The following TENT4B variants were observed in gnomAD, a reference collection of about 807,000 sequenced individuals.
TENT4B encodes the protein terminal nucleotidyltransferase 4B.
TENT4B carries 10 observed loss-of-function variants against 75.0 expected under a neutral mutation model. The observed-to-expected ratio is 0.13, with a 90% CI of 0.08 to 0.23. The LOEUF is 0.23. Ranked by LOEUF, TENT4B falls within the 10% of genes least tolerant of loss-of-function variation. The pLI, the probability that TENT4B is intolerant of heterozygous loss-of-function variation, is 1.00. For synonymous variants in TENT4B, 350 were observed against 357.7 expected, an observed-to-expected ratio of 0.98 and a Z score of 0.24; for missense variants, 579 against 893.8, an observed-to-expected ratio of 0.65 and a Z score of 4.49.
chr16:50,232,395 A>G lies in TENT4B; in HGVS notation c.*3067A>G, dbSNP rs556786551. 2.0e-6 allele frequency: 2 copies of G among 985,142 alleles called. No individual in the cohort carries two copies. The highest frequency in any genetic ancestry group is 4.7e-5 in the South Asian group (1 of 21,274). 61.0% of individuals were successfully genotyped at this position (985,142 alleles called of 1,614,324 possible). On this transcript the variant is annotated 3_prime_UTR_variant, in exon 12 of 12. Transcript: ENST00000561678. Reference sequence around the variant, plus strand: ...TTTACTTGCATTTTGAGCCTCATTAATATTTAGGTTATTTGATTTGGCTCC... The same window carrying G: ...TTTACTTGCATTTTGAGCCTCATTAGTATTTAGGTTATTTGATTTGGCTCC...
intron 1 of TENT4B, among the ~76,000 whole-genome samples, chr16:50,158,798 C>T (rs552185326): frequency 6.6e-6 from 1 of 152,108 alleles, no homozygotes; most frequent in East Asian, 1.9e-4. Flanking sequence ...GTTTAAGGTA[C>T]AATTTCTTAA....
At chr16:50,228,694 T>C (rs888553221) in intron 11 of TENT4B, among the ~76,000 whole-genome samples, 2 of 152,142 alleles carry the variant, frequency 1.3e-5, no homozygotes, top group East Asian at 1.9e-4. Context: ...CACAGACTTA[T>C]CACAAAATAC....
rs2037821397 is a variant in TENT4B at position 50,153,602 on chromosome 16, G to A, written c.-20G>A. The A allele has an allele frequency of 1.0e-6, 1 of 1,001,576 alleles. No homozygotes were observed. Among genetic ancestry groups the A allele is most frequent in the Non-Finnish European group, 1.2e-6 (1 of 843,000 alleles). 62.0% of individuals were successfully genotyped at this position (1,001,576 alleles called of 1,614,324 possible). On this transcript the variant is annotated 5_prime_UTR_variant, in exon 1 of 12. Coordinates refer to ENST00000561678, the MANE Select transcript of TENT4B (RefSeq NM_001365324.3). ...CTGCGGGCGGCCGGGAGGGGCGGGG[G>A]CAGCGGCCGCCGCCGTTTGATGGAT...
At chr16:50,179,239 G>T (rs1389899934) in intron 1 of TENT4B, among the ~76,000 whole-genome samples, 1 of 152,116 alleles carries the variant, frequency 6.6e-6, no homozygotes, top group African/African-American at 2.4e-5. Flanking sequence ...GCGCATGCCT[G>T]TAATCCCAGC....
rs763210474 is a variant in TENT4B at position 50,223,204 on chromosome 16, A to G, written c.1198A>G (p.Asn400Asp). ...TCCCAGGGAAGATGCTTGCATCCCC[A>G]ATACAAACTATGGTGTTCTCTTAAT... The part of the protein sequence containing the change: ...LHPREDACIP[N>D]TNYGVLLIEF... Residue 400 changes from asparagine to aspartate, a missense_variant, in exon 7 of 12, where the codon AAT becomes GAT. Asn to Asp is a conservative substitution (Grantham distance 23). Coordinates refer to ENST00000561678, the MANE Select transcript of TENT4B (RefSeq NM_001365324.3). 1 of 1,612,916 alleles carries G rather than the reference A, an allele frequency of 6.2e-7. No homozygotes were observed. Among genetic ancestry groups the G allele is most frequent in the Non-Finnish European group, 8.5e-7 (1 of 1,179,312 alleles).
At chr16:50,169,570 G>A (rs1457592979) in intron 1 of TENT4B, among the ~76,000 whole-genome samples, 2 of 151,808 alleles carry the variant, frequency 1.3e-5, no homozygotes, top group South Asian at 4.1e-4. Context: ...TTTTTCTGTT[G>A]TTAGCTGGAA....
At chr16:50,200,546 G>A (rs1208858041) in intron 1 of TENT4B, among the ~76,000 whole-genome samples, 1 of 152,072 alleles carries the variant, frequency 6.6e-6, no homozygotes, top group Non-Finnish European at 1.5e-5. Flanking sequence ...CCAGCATTTG[G>A]TGTTGTCAGT....
At chr16:50,211,067 G>C (rs925264522) in intron 1 of TENT4B, among the ~76,000 whole-genome samples, 1 of 152,154 alleles carries the variant, frequency 6.6e-6, no homozygotes, top group Non-Finnish European at 1.5e-5. Context: ...AGGCCAGCCC[G>C]TATGCTTGTT....
At position 50,230,518 on chromosome 16, in the gene TENT4B, T is replaced by C; in HGVS notation, c.*1190T>C. 5.1e-6 allele frequency: 5 copies of C among 976,868 alleles called. No homozygotes were observed. Among genetic ancestry groups the C allele is most frequent in the Non-Finnish European group, 4.9e-6 (4 of 821,754 alleles). 60.5% of individuals were successfully genotyped at this position (976,868 alleles called of 1,614,324 possible). ...ATACTTATAAAAAACTATTTTCTTA[T>C]ATTCCACTCTATGCTTTTGGTATTG... On this transcript the variant is annotated 3_prime_UTR_variant, in exon 12 of 12. Coordinates refer to ENST00000561678, the MANE Select transcript of TENT4B (RefSeq NM_001365324.3).
intron 1 of TENT4B, among the ~76,000 whole-genome samples, chr16:50,198,373 C>G (rs143481673): frequency 6.8e-6 from 1 of 147,098 alleles, no homozygotes; most frequent in African/African-American, 2.5e-5. Context: ...GAGCTGAGAT[C>G]ACGCCACTGC....
intron 1 of TENT4B, among the ~76,000 whole-genome samples, chr16:50,159,008 G>C (rs1415571752): frequency 6.6e-6 from 1 of 152,148 alleles, no homozygotes; most frequent in African/African-American, 2.4e-5. Context: ...AAGATAGTAG[G>C]GGGATGTATA....
At chr16:50,216,538 C>G (rs2150739530) in intron 4 of TENT4B, among the ~76,000 whole-genome samples, 1 of 152,352 alleles carries the variant, frequency 6.6e-6, no homozygotes, top group Middle Eastern at 3.4e-3. Flanking sequence ...TCTCCAACTC[C>G]TGGGCTCAAG....
intron 1 of TENT4B, among the ~76,000 whole-genome samples, chr16:50,190,841 A>G (rs1021341026): frequency 2.0e-5 from 3 of 152,004 alleles, no homozygotes; most frequent in Non-Finnish European, 4.4e-5. Context: ...GAAACTCTGT[A>G]TACATTAAAC....
intron 1 of TENT4B, among the ~76,000 whole-genome samples, chr16:50,185,373 G>A (rs1245682180): frequency 6.6e-6 from 1 of 152,164 alleles, no homozygotes; most frequent in African/African-American, 2.4e-5. Context: ...GTCATGAAGT[G>A]AGAGAGAAGT....
At chr16:50,200,809 T>A (rs947870575) in intron 1 of TENT4B, among the ~76,000 whole-genome samples, 7 of 151,988 alleles carry the variant, frequency 4.6e-5, no homozygotes, top group Non-Finnish European at 8.8e-5. Context: ...TTTTTTTTTT[T>A]ATTGAGACAA....
At chr16:50,181,782 C>T (rs1319373308) in intron 1 of TENT4B, among the ~76,000 whole-genome samples, 1 of 152,060 alleles carries the variant, frequency 6.6e-6, no homozygotes, top group Admixed American at 6.6e-5. Flanking sequence ...TTTATTGGTC[C>T]TGCTAAATTG....
Position 50,232,776 on chromosome 16 carries a change from C to T in TENT4B, c.*3448C>T. On this transcript the variant is annotated 3_prime_UTR_variant, in exon 12 of 12. Transcript: ENST00000561678. ...AGATGTTGCTGATACTTTTATTGGT[C>T]ATGACTACATCTCAGTTTTACTTTA... 1 of 985,212 alleles carries T rather than the reference C, an allele frequency of 1.0e-6. No individual in the cohort carries two copies. The highest frequency in any genetic ancestry group is 4.7e-5 in the South Asian group (1 of 21,274). 61.0% of individuals were successfully genotyped at this position (985,212 alleles called of 1,614,324 possible). A position where few individuals can be genotyped will look rare whatever the true frequency, so the allele number is the denominator to read the frequency against.
chr16:50,228,107 T>G (rs1297922150), intron 11 of TENT4B, 104 bp downstream of exon 11: 1 of 1,369,542 alleles, frequency 7.3e-7, no homozygotes, highest in Non-Finnish European at 9.9e-7. Flanking sequence ...AACGCTAGAT[T>G]GAAGAACAAA....
At chr16:50,201,397 C>T (rs1274154640) in intron 1 of TENT4B, among the ~76,000 whole-genome samples, 3 of 151,036 alleles carry the variant, frequency 2.0e-5, no homozygotes, top group Non-Finnish European at 2.9e-5. Flanking sequence ...ATTAGCTGGG[C>T]GTGGTGGCGC....
Sources: allele counts gnomAD v4.1 joint callset (sites outside exome capture counted in the v4.1 genomes callset), GRCh38; gene constraint gnomAD v4.1.1; transcripts MANE v1.5; gene names NCBI Gene and HGNC (gene_info 2026-07-23, HGNC 2026-07-21).